Variants in WDPCP observed in about 807,000 individuals in gnomAD.
WDPCP encodes the protein WD repeat containing planar cell polarity effector, also known as WD repeat-containing and planar cell polarity effector protein fritz homolog.
WDPCP carries 71 observed loss-of-function variants against 93.1 expected under a neutral mutation model. That is an observed-to-expected ratio of 0.76 (90% CI 0.63 to 0.93). The LOEUF is 0.93. WDPCP is among the 40% of genes least tolerant of loss of function. The probability of loss-of-function intolerance (pLI) is 0.00; values close to 1 mark genes in which losing one functional copy is unlikely to be tolerated. For missense variants in WDPCP, 844 were observed against 887.4 expected, an observed-to-expected ratio of 0.95 and a Z score of 0.62; for synonymous variants, 315 against 315.0, an observed-to-expected ratio of 1.00 and a Z score of 0.00.
At chr2:63,156,551 C>A (rs1357267979) in intron 15 of WDPCP, among the ~76,000 whole-genome samples, 2 of 151,634 alleles carry the variant, frequency 1.3e-5, no homozygotes, top group Admixed American at 1.3e-4. Flanking sequence ...GTCTGGCCAA[C>A]ATGGTAAAAC....
intron 13 of WDPCP, among the ~76,000 whole-genome samples, chr2:63,288,458 T>C (rs559405744): frequency 1.3e-5 from 2 of 152,328 alleles, no homozygotes; most frequent in East Asian, 1.9e-4. Flanking sequence ...ACAGCATCTA[T>C]TGAGAGAATG....
chr2:63,156,702 C>A (rs1189841983), intron 15 of WDPCP, among the ~76,000 whole-genome samples: 2 of 152,162 alleles, frequency 1.3e-5, no homozygotes, highest in Admixed American at 1.3e-4. Flanking sequence ...CGTGCCATTG[C>A]ACTCTAGCCT....
rs1455870226 is a variant in WDPCP, at chr2:63,121,407, C to T, written c.*599G>A. 2 of 111,538 alleles carry T rather than the reference C, an allele frequency of 1.8e-5. No individual in the cohort carries two copies. The highest frequency in any genetic ancestry group is 7.1e-5 in the African/African-American group (2 of 28,088). 6.9% of individuals were successfully genotyped at this position (111,538 alleles called of 1,614,324 possible). A position where few individuals can be genotyped will look rare whatever the true frequency, so the allele number is the denominator to read the frequency against. ...TTTTTTTTTTTTTTTTTTTTGGAGA[C>T]AGGGTCACTCTCTGTTGCCCAGGTT... On this transcript the variant is annotated 3_prime_UTR_variant, in exon 18 of 18. Transcript: ENST00000272321.
chr2:63,781,501 C>A (rs907896743), intron 2 of WDPCP, among the ~76,000 whole-genome samples: 4 of 152,128 alleles, frequency 2.6e-5, no homozygotes, highest in African/African-American at 9.7e-5. Flanking sequence ...CATTCAGCAT[C>A]ATTTATTGAG....
chr2:63,152,848 A>T lies in WDPCP; in HGVS notation c.2190+66T>A, dbSNP rs1231712617. On this transcript the variant is annotated intron_variant, in intron 17 of 17. Coordinates refer to ENST00000272321, the MANE Select transcript of WDPCP (RefSeq NM_015910.7). ...GATAGCATTTCTTGAGTTCAAAATA[A>T]TCACATACATTATGCTTTTCTCTTA... 10 of 1,476,596 alleles carry T rather than the reference A, an allele frequency of 6.8e-6. No homozygotes were observed. In the Admixed American group the frequency reaches 1.0e-4, roughly 15 times the overall value. The allele number at this position is 1,476,596 out of a possible 1,614,324, so 91.5% of individuals were successfully genotyped here.
At chr2:63,751,802 C>T in intron 2 of WDPCP, 1 of 653,866 alleles carries the variant, frequency 1.5e-6, no homozygotes, top group Non-Finnish European at 2.9e-6. Context: ...GCTTCTGCTT[C>T]CATAGTTCTC....
At chr2:63,638,258 G>A (rs925007368) in intron 3 of WDPCP, among the ~76,000 whole-genome samples, 17 of 151,878 alleles carry the variant, frequency 1.1e-4, no homozygotes, top group African/African-American at 4.1e-4. Flanking sequence ...ATATTGTTCT[G>A]TATACTTGAA....
chr2:63,601,593 A>G (rs1709419335), intron 3 of WDPCP, among the ~76,000 whole-genome samples: 1 of 152,206 alleles, frequency 6.6e-6, no homozygotes. Context: ...TGTGACATGA[A>G]TCATATTAAG....
chr2:63,453,402 T>G (rs1232631857), intron 6 of WDPCP, among the ~76,000 whole-genome samples: 1 of 152,214 alleles, frequency 6.6e-6, no homozygotes, highest in Admixed American at 6.5e-5. Flanking sequence ...AGATATGACC[T>G]CACACCAGTT....
intron 13 of WDPCP, among the ~76,000 whole-genome samples, chr2:63,291,808 CAAAA>C (rs58542222): frequency 7.5e-6 from 1 of 133,042 alleles, no homozygotes. Flanking sequence ...GATTCTCTTA[CAAAA>C]AAAAAAAAAG....
At chr2:63,589,111 A>T, upstream of WDPCP, 1 of 1,614,018 alleles carries the variant, frequency 6.2e-7, no homozygotes, top group Non-Finnish European at 8.5e-7. Context: ...GGTTTCTTGC[A>T]CTTTAGGGAC....
At chr2:63,742,267 A>AAGGAAGGAAGGGAGAGAGGG (rs1669735316) in intron 2 of WDPCP, among the ~76,000 whole-genome samples, 1 of 151,888 alleles carries the variant, frequency 6.6e-6, no homozygotes, top group Admixed American at 6.6e-5. Flanking sequence ...GGGAGGGAGG[A>AAGGAAGGAAGGGAGAGAGGG]AGGAAGGAAG....
chr2:63,594,706 AATAGGCAC>A lies in WDPCP; in HGVS notation n.488+55945_488+55952del, dbSNP rs1257903633. ...AGGAATATGTAATCCCAGTAAATGT[AATAGGCAC>A]ATTGCTATAAATGGAAGCTACTAAG... On this transcript the variant is annotated intron_variant and non_coding_transcript_variant, in intron 3 of 4. Coordinates refer to the WDPCP transcript ENST00000467687. 5 of 701,348 alleles carry A rather than the reference AATAGGCAC, an allele frequency of 7.1e-6. No homozygotes were observed. In the African/African-American group the frequency reaches 9.0e-5, roughly 13 times the overall value. 43.4% of individuals were successfully genotyped at this position (701,348 alleles called of 1,614,324 possible).
chr2:63,260,339 G>A (rs940188320), intron 13 of WDPCP, among the ~76,000 whole-genome samples: 2 of 152,054 alleles, frequency 1.3e-5, no homozygotes, highest in Non-Finnish European at 2.9e-5. Context: ...AATAAAAATG[G>A]GAAAAGAATA....
chr2:63,534,489 G>A (rs1303542722), intron 1 of WDPCP, among the ~76,000 whole-genome samples: 1 of 152,156 alleles, frequency 6.6e-6, no homozygotes. Flanking sequence ...GAATCCAGCA[G>A]CACATCAAAA....
At chr2:63,363,867 A>G (rs918889617) in intron 12 of WDPCP, among the ~76,000 whole-genome samples, 6 of 152,054 alleles carry the variant, frequency 3.9e-5, no homozygotes, top group African/African-American at 1.4e-4. Context: ...TTGTATTTTT[A>G]CATTAACCAA....
At chr2:63,452,656 T>C (rs778849321) in intron 6 of WDPCP, among the ~76,000 whole-genome samples, 12 of 152,010 alleles carry the variant, frequency 7.9e-5, no homozygotes, top group South Asian at 2.1e-4. Flanking sequence ...ACCAAAAGAA[T>C]AAAGCTGGAG....
intron 11 of WDPCP, among the ~76,000 whole-genome samples, chr2:63,380,710 G>C (rs1045476607): frequency 6.6e-6 from 1 of 152,082 alleles, no homozygotes; most frequent in African/African-American, 2.4e-5. Flanking sequence ...GCAACAGAGT[G>C]AGACTGTCTC....
the WDPCP span, among the ~76,000 whole-genome samples, chr2:63,837,362 C>T: frequency 6.6e-6 from 1 of 152,174 alleles, no homozygotes; most frequent in Admixed American, 6.5e-5. Context: ...ACAGTAGCCC[C>T]TTTTTCCTCT....
Sources: allele counts gnomAD v4.1 joint callset (sites outside exome capture counted in the v4.1 genomes callset), GRCh38; gene constraint gnomAD v4.1.1; transcripts MANE v1.5; gene names NCBI Gene and HGNC (gene_info 2026-07-23, HGNC 2026-07-21).